MYO9A: variants seen among roughly 807,000 people sequenced by gnomAD.
MYO9A encodes unconventional myosin-IXa.
Under a neutral mutation model 293.3 loss-of-function variants are expected in MYO9A, and 103 were observed. That is an observed-to-expected ratio of 0.35 (90% confidence interval 0.30 to 0.41). The LOEUF is 0.41. Ranked by LOEUF, MYO9A falls within the 10% of genes least tolerant of loss-of-function variation. MYO9A has a pLI of 1.00. For missense variants in MYO9A, 2,685 were observed against 3,033.0 expected (o/e 0.89, Z 2.69); for synonymous variants, 1,001 against 1,035.7 (o/e 0.97, Z 0.64).
At chr15:72,052,592 G>A (rs1052887415) in intron 1 of MYO9A, among the ~76,000 whole-genome samples, 5 of 152,196 alleles carry the variant, frequency 3.3e-5, no homozygotes, top group Admixed American at 1.3e-4. Flanking sequence ...CAGACCTGGG[G>A]GCTCCCCAAG....
intron 15 of MYO9A, among the ~76,000 whole-genome samples, chr15:71,939,563 T>C (rs1204580240): frequency 6.6e-6 from 1 of 152,222 alleles, no homozygotes; most frequent in African/African-American, 2.4e-5. Flanking sequence ...CACAAATTCA[T>C]TTCTTATTTT....
At chr15:72,103,358 CAG>C (rs1400098542) in intron 1 of MYO9A, among the ~76,000 whole-genome samples, 1 of 135,368 alleles carries the variant, frequency 7.4e-6, no homozygotes, top group Non-Finnish European at 1.5e-5. Context: ...CAAGCAGAGA[CAG>C]AAGCAGCAGC....
At chr15:71,947,103 C>T (rs1023072588) in intron 15 of MYO9A, among the ~76,000 whole-genome samples, 14 of 151,880 alleles carry the variant, frequency 9.2e-5, no homozygotes, top group Non-Finnish European at 1.6e-4. Context: ...GGTGACAGAA[C>T]GAGCTCCTAT....
chr15:71,850,225 A>T, intron 37 of MYO9A, 58 bp from the exon 38 acceptor site: 1 of 1,586,790 alleles, frequency 6.3e-7, no homozygotes, highest in South Asian at 1.1e-5. Context: ...GGAGCACCAT[A>T]GGGAAATAGG....
intron 1 of MYO9A, among the ~76,000 whole-genome samples, chr15:72,089,712 T>C (rs2079847495): frequency 6.6e-6 from 1 of 152,048 alleles, no homozygotes; most frequent in Admixed American, 6.6e-5. Flanking sequence ...GCCCCAAAAG[T>C]AAAGGCTACA....
At chr15:72,023,748 A>C (rs2077577235) in intron 4 of MYO9A, among the ~76,000 whole-genome samples, 1 of 151,834 alleles carries the variant, frequency 6.6e-6, no homozygotes, top group African/African-American at 2.4e-5. Context: ...TGGGGGTTCT[A>C]AAAGGAGAAA....
At chr15:71,859,050 C>T (rs1173664974) in intron 34 of MYO9A, among the ~76,000 whole-genome samples, 1 of 152,178 alleles carries the variant, frequency 6.6e-6, no homozygotes, top group Admixed American at 6.5e-5. Flanking sequence ...AAGCAAATGT[C>T]TCACTCATAT....
At chr15:72,080,213 T>C (rs2079497252) in intron 1 of MYO9A, among the ~76,000 whole-genome samples, 1 of 152,078 alleles carries the variant, frequency 6.6e-6, no homozygotes, top group East Asian at 1.9e-4. Context: ...CAGTATCCAT[T>C]ATATCAGAAT....
At chr15:72,047,566 T>C (rs539142442) in intron 1 of MYO9A, among the ~76,000 whole-genome samples, 1 of 152,212 alleles carries the variant, frequency 6.6e-6, no homozygotes, top group East Asian at 1.9e-4. Context: ...ATCTATCTTA[T>C]TCCATTCCTG....
intron 18 of MYO9A, among the ~76,000 whole-genome samples, chr15:71,925,049 T>C (rs1479200592): frequency 6.6e-6 from 1 of 152,182 alleles, no homozygotes; most frequent in African/African-American, 2.4e-5. Flanking sequence ...GCTGATTTTC[T>C]GTCTGGTTGT....
chr15:71,958,079 G>A (rs2059244773), intron 14 of MYO9A, among the ~76,000 whole-genome samples: 1 of 152,108 alleles, frequency 6.6e-6, no homozygotes, highest in South Asian at 2.1e-4. Context: ...AAAACATACT[G>A]TAATTCTGCA....
In MYO9A at chr15:71,826,551, T is replaced by C. The variant is rs760378728; in HGVS notation, c.*29A>G. On this transcript the variant is annotated 3_prime_UTR_variant, in exon 42 of 42. Coordinates refer to ENST00000356056, the MANE Select transcript of MYO9A (RefSeq NM_006901.4). ...AAGGTGAGATTTGTTTACCACTCTG[T>C]AGCCACGGAGGGACACACATCTGCC... 12 of 1,542,596 alleles carry C rather than the reference T, an allele frequency of 7.8e-6. No individual in the cohort carries two copies. The East Asian group carries it at 2.7e-4, about 35-fold the overall frequency.
chr15:71,912,791 C>T (rs970925718), intron 19 of MYO9A, among the ~76,000 whole-genome samples: 1 of 152,072 alleles, frequency 6.6e-6, no homozygotes, highest in African/African-American at 2.4e-5. Context: ...TCTAGGGTGA[C>T]TTTTTTTCTC....
At chr15:72,117,070 TGAG>T (rs2081008925) in intron 1 of MYO9A, 1 of 152,174 alleles carries the variant, frequency 6.6e-6, no homozygotes, top group African/African-American at 2.4e-5. Context: ...AAGGTTTGCT[TGAG>T]GAGAGGTCTG....
intron 1 of MYO9A, among the ~76,000 whole-genome samples, chr15:72,050,505 G>A (rs1352899308): frequency 6.6e-6 from 1 of 152,104 alleles, no homozygotes. Context: ...TACTCCGGAG[G>A]CTGAGGCAGG....
chr15:71,976,629 C>A (rs2076153954), intron 12 of MYO9A, among the ~76,000 whole-genome samples: 1 of 152,156 alleles, frequency 6.6e-6, no homozygotes, highest in African/African-American at 2.4e-5. Context: ...GTAGGGTATA[C>A]AAACAGTGAA....
At chr15:71,984,274 A>C (rs999323557) in intron 11 of MYO9A, among the ~76,000 whole-genome samples, 1 of 152,234 alleles carries the variant, frequency 6.6e-6, no homozygotes, top group Non-Finnish European at 1.5e-5. Flanking sequence ...TTGGTAGTTT[A>C]GATGCATTAA....
intron 6 of MYO9A, among the ~76,000 whole-genome samples, chr15:72,012,784 T>C (rs2077212114): frequency 1.3e-5 from 2 of 152,270 alleles, no homozygotes; most frequent in African/African-American, 2.4e-5. Flanking sequence ...GTGTCAATAA[T>C]GATTCTTCTA....
Position 71,951,882 on chromosome 15 carries a change from C to T in MYO9A, c.2197G>A (p.Ala733Thr), listed in dbSNP as rs2059059614. Reference sequence around the variant, plus strand: ...ATACTTTTCAAAATTGCACATGGCGCTGTATCATCATGTCCTTAGGAAGCA... The same window carrying T: ...ATACTTTTCAAAATTGCACATGGCGTTGTATCATCATGTCCTTAGGAAGCA... ...IHRKTGHDDT[A>T]PCAILKSMDS... is the part of the protein sequence containing the mutation. The change falls in exon 15 of 42, where the codon GCG (alanine) becomes ACG (threonine). Residue 733 changes from alanine to threonine, a missense_variant. Physicochemically the swap from Ala to Thr is moderately conservative, Grantham distance 58 (BLOSUM62 0). Coordinates refer to ENST00000356056, the MANE Select transcript of MYO9A (RefSeq NM_006901.4). 2.5e-6 allele frequency: 4 copies of T among 1,605,990 alleles called. No individual in the cohort carries two copies. The highest frequency in any genetic ancestry group is 1.1e-5 in the South Asian group (1 of 89,888).
Sources: gnomAD v4.1 joint callset for allele counts (sites outside exome capture counted in the v4.1 genomes callset) on GRCh38, gnomAD v4.1.1 for gene constraint, MANE v1.5 for transcripts, NCBI Gene and HGNC (gene_info 2026-07-23, HGNC 2026-07-21) for gene names.